Variants in ZNF831 observed in about 807,000 individuals in gnomAD.
ZNF831 encodes the protein zinc finger protein 831.
ZNF831 carries 59 observed loss-of-function variants against 95.8 expected under a neutral mutation model. The observed-to-expected ratio is 0.62, with a 90% CI of 0.50 to 0.77. The LOEUF (loss-of-function observed/expected upper bound fraction) is 0.77, where lower values mean the gene tolerates loss of function less well. ZNF831 is among the 30% of genes least tolerant of loss of function. The probability of loss-of-function intolerance (pLI) is 0.00; values close to 1 mark genes in which losing one functional copy is unlikely to be tolerated. For synonymous variants in ZNF831, 961 were observed against 925.5 expected (o/e 1.04, Z -0.70); for missense variants, 2,205 against 2,164.0 (o/e 1.02, Z -0.38).
intron 4 of ZNF831, among the ~76,000 whole-genome samples, chr20:59,250,895 C>A (rs1039184805): frequency 6.6e-6 from 1 of 151,862 alleles, no homozygotes; most frequent in African/African-American, 2.4e-5. Context: ...ACTAGGAGAT[C>A]CAATAACCCA....
At chr20:59,201,470 T>C (rs570322238) in intron 3 of ZNF831, among the ~76,000 whole-genome samples, 11 of 152,206 alleles carry the variant, frequency 7.2e-5, no homozygotes, top group Non-Finnish European at 8.8e-5. Flanking sequence ...AAAGCAACTG[T>C]CTTTCACTTT....
chr20:59,178,679 C>A (rs140751798), intron 1 of ZNF831, among the ~76,000 whole-genome samples: 1 of 152,162 alleles, frequency 6.6e-6, no homozygotes, highest in Non-Finnish European at 1.5e-5. Flanking sequence ...CATAGCTGAT[C>A]GGATCTTCTC....
chr20:59,160,877 T>A (rs1264839796), upstream of ZNF831: 2 of 151,856 alleles, frequency 1.3e-5, no homozygotes, highest in Non-Finnish European at 2.9e-5. Context: ...GTTTTCCGAA[T>A]GAGGCTTGCT....
Position 59,182,610 on chromosome 20 carries a change from C to T in ZNF831, c.-36-8374C>T, listed in dbSNP as rs572247136. On this transcript the variant is annotated intron_variant, in intron 1 of 5. Transcript: ENST00000371030. ...TTCCACACATCTGCAACCGATTGAC[C>T]ATCTACAGGGAAACCACGTAATTTG... Among the ~76,000 whole-genome samples the T allele has an allele frequency of 4.6e-5, 7 of 152,202 alleles. No individual in the cohort carries two copies. In the South Asian group the frequency reaches 1.5e-3, roughly 32 times the overall value.
chr20:59,228,112 G>A (rs940257492), intron 4 of ZNF831, among the ~76,000 whole-genome samples: 5 of 152,180 alleles, frequency 3.3e-5, no homozygotes, highest in Non-Finnish European at 7.3e-5. Context: ...TTGTAACACA[G>A]CAGTATCTGC....
chr20:59,191,356 C>G lies in ZNF831; in HGVS notation c.337C>G (p.Leu113Val), dbSNP rs2146546534. Reference protein sequence around the residue: ...TQVGKPAAPTLTVNIVGTLPV... With the variant: ...TQVGKPAAPTVTVNIVGTLPV... ...GGTGGGGAAGCCGGCGGCCCCTACG[C>G]TGACGGTGAACATCGTGGGCACTCT... The change falls in exon 2 of 6, where the codon CTG becomes GTG. Residue 113 changes from leucine to valine, a missense_variant. Physicochemically the swap from Leu to Val is conservative, Grantham distance 32. Transcript: ENST00000371030. 1 of 1,608,108 alleles carries G rather than the reference C, an allele frequency of 6.2e-7. No homozygotes were observed. The highest frequency in any genetic ancestry group is 1.3e-5 in the African/African-American group (1 of 74,994).
chr20:59,183,990 C>G (rs1391186828), intron 1 of ZNF831, among the ~76,000 whole-genome samples: 1 of 152,194 alleles, frequency 6.6e-6, no homozygotes, highest in Non-Finnish European at 1.5e-5. Flanking sequence ...TTTGGTATTA[C>G]AGGATCAGAA....
chr20:59,207,449 G>A (rs1984977668), intron 4 of ZNF831, among the ~76,000 whole-genome samples: 1 of 152,166 alleles, frequency 6.6e-6, no homozygotes, highest in Non-Finnish European at 1.5e-5. Flanking sequence ...AAGCTAAAGT[G>A]GGTCTGTGGA....
intron 1 of ZNF831, among the ~76,000 whole-genome samples, chr20:59,142,860 A>T (rs1979724969): frequency 6.6e-6 from 1 of 152,192 alleles, no homozygotes; most frequent in Admixed American, 6.5e-5. Flanking sequence ...TTTAACCTCA[A>T]CTGACTATGA....
At chr20:59,232,994 GCACACACACACACACACA>G (rs59267396) in intron 4 of ZNF831, among the ~76,000 whole-genome samples, 18 of 123,084 alleles carry the variant, frequency 1.5e-4, no homozygotes, top group East Asian at 7.5e-4. Context: ...GGACCCTGAG[GCACACACACACACACACA>G]CACACACACA....
At chr20:59,180,246 C>T (rs1161823427) in intron 1 of ZNF831, among the ~76,000 whole-genome samples, 2 of 152,042 alleles carry the variant, frequency 1.3e-5, no homozygotes, top group Non-Finnish European at 2.9e-5. Flanking sequence ...TACCACCATG[C>T]CTGCCTAATT....
At chr20:59,215,700 G>C (rs1194218818) in intron 4 of ZNF831, among the ~76,000 whole-genome samples, 1 of 152,208 alleles carries the variant, frequency 6.6e-6, no homozygotes, top group Non-Finnish European at 1.5e-5. Context: ...GCCACCTTCA[G>C]AACTTTTGTT....
rs115551260 is a variant in ZNF831 at position 59,124,713 on chromosome 20, C to T, written c.-1425+1208C>T. Among the ~76,000 whole-genome samples the T allele has an allele frequency of 8.9e-3, 1,359 of 152,336 alleles. 13 individuals are homozygous for T. The highest frequency in any genetic ancestry group is 0.031 in the African/African-American group (1,276 of 41,568). On this transcript the variant is annotated intron_variant, in intron 1 of 7. Transcript: ENST00000637017. ...CAGGGGTGCTTGTCAGGTCACCTCT[C>T]TGAACCTCAGATCTCTCTCGTGTAA...
At chr20:59,144,110 A>C (rs1471266708) in intron 1 of ZNF831, among the ~76,000 whole-genome samples, 1 of 152,010 alleles carries the variant, frequency 6.6e-6, no homozygotes, top group African/African-American at 2.4e-5. Flanking sequence ...TGTAATTTGG[A>C]GTGTTTTTAA....
intron 1 of ZNF831, among the ~76,000 whole-genome samples, chr20:59,132,754 A>T (rs894920776): frequency 6.6e-6 from 1 of 152,162 alleles, no homozygotes; most frequent in Non-Finnish European, 1.5e-5. Context: ...TTTCAACTTC[A>T]TCTCAAGCAC....
At chr20:59,205,881 A>G (rs973615211) in intron 3 of ZNF831, among the ~76,000 whole-genome samples, 11 of 152,216 alleles carry the variant, frequency 7.2e-5, no homozygotes, top group African/African-American at 2.7e-4. Context: ...GTGGTTGCAC[A>G]TTCCTATTAG....
intron 2 of ZNF831, among the ~76,000 whole-genome samples, chr20:59,147,697 TG>T (rs746452542): frequency 2.0e-4 from 31 of 152,236 alleles, no homozygotes; most frequent in Admixed American, 2.0e-4. Flanking sequence ...ATATCATAAC[TG>T]GAGAACATCT....
Position 59,256,350 on chromosome 20 carries a change from A to G in ZNF831, c.*1607A>G, listed in dbSNP as rs1401865316. 6.6e-6 allele frequency: 1 copy of G among 152,254 alleles called. No homozygotes were observed. Among genetic ancestry groups the G allele is most frequent in the Non-Finnish European group, 1.5e-5 (1 of 68,052 alleles). 9.4% of individuals were successfully genotyped at this position (152,254 alleles called of 1,614,324 possible). Reference sequence around the variant, plus strand: ...TCCAAGGATTTCAGGCCCAGCCAAGAAAAACATAAGAAGGGAGGTAAAAAG... The same window carrying G: ...TCCAAGGATTTCAGGCCCAGCCAAGGAAAACATAAGAAGGGAGGTAAAAAG... On this transcript the variant is annotated 3_prime_UTR_variant, in exon 6 of 6. Coordinates refer to ENST00000371030, the MANE Select transcript of ZNF831 (RefSeq NM_178457.3).
chr20:59,196,146 G>T (rs1008471037), intron 3 of ZNF831, 141 bp downstream of exon 3: 53 of 1,204,992 alleles, frequency 4.4e-5, no homozygotes, highest in South Asian at 6.6e-5. Context: ...GACTGAATTT[G>T]TTTCCCACCC....
Sources: allele counts gnomAD v4.1 joint callset (sites outside exome capture counted in the v4.1 genomes callset), GRCh38; gene constraint gnomAD v4.1.1; transcripts MANE v1.5; gene names NCBI Gene and HGNC (gene_info 2026-07-23, HGNC 2026-07-21).